PPIB: variants seen among roughly 807,000 people sequenced by gnomAD.
PPIB encodes peptidyl-prolyl cis-trans isomerase B.
A neutral mutation model predicts 20.1 loss-of-function variants in PPIB; 15 were observed. The observed-to-expected ratio is 0.75, with a 90% CI of 0.50 to 1.15. PPIB has a LOEUF of 1.15. PPIB is among the 50% of genes most tolerant of loss of function. The pLI is 0.00. For missense variants in PPIB, 278 were observed against 283.0 expected (o/e 0.98, Z 0.13); for synonymous variants, 129 against 111.0 (o/e 1.16, Z -1.02).
rs1567347353 is a variant in PPIB at position 64,162,121 on chromosome 15, C to T, written c.169G>A (p.Val57Ile). ...YFDLRIGDEDVGRVIFGLFGK... is the reference protein window; with the variant it reads ...YFDLRIGDEDIGRVIFGLFGK... ...AAGAGACCAAAGATCACCCGGCCTA[C>T]ATCTTCATCTCCAATTCGTAGGTCA... The change falls in exon 2 of 5, where the codon GTA (valine) becomes ATA (isoleucine). Residue 57 changes from valine (V) to isoleucine (I), a missense_variant. By Grantham distance (29) the Val-to-Ile change is conservative. Coordinates refer to ENST00000300026, the MANE Select transcript of PPIB (RefSeq NM_000942.5). 2 of 1,614,118 alleles carry T rather than the reference C, an allele frequency of 1.2e-6. No individual in the cohort carries two copies. The highest frequency in any genetic ancestry group is 1.7e-6 in the Non-Finnish European group (2 of 1,179,942).
rs2081563869 is a variant in PPIB at position 64,161,582 on chromosome 15, A to C, written c.249+459T>G. On this transcript the variant is annotated intron_variant, in intron 2 of 4. Transcript: ENST00000300026. This position sits in a 1 kb window ranked among gnomAD's most constrained non-coding sequence, Gnocchi z 4.2. ...CACTACTAAAAATACAAAATTAGCC[A>C]AGCGTGGTGGCGCATGCCTGTAATC... Among the ~76,000 whole-genome samples, 1 of 151,948 alleles carries C rather than the reference A, an allele frequency of 6.6e-6. No homozygotes were observed.
In PPIB at chr15:64,160,036, C is replaced by T; in HGVS notation, c.343+68G>A. The T allele has an allele frequency of 7.3e-7, 1 of 1,369,620 alleles. No homozygotes were observed. Among genetic ancestry groups the T allele is most frequent in the East Asian group, 2.3e-5 (1 of 43,734 alleles). 84.8% of individuals were successfully genotyped at this position (1,369,620 alleles called of 1,614,324 possible). A position where few individuals can be genotyped will look rare whatever the true frequency, so the allele number is the denominator to read the frequency against. ...GAAGAAAGAGGCCTGGTCTCCCCAGCAGAACCTGGCCCTCCCACTGTGGAG... is the reference window on the plus strand; with the variant it reads ...GAAGAAAGAGGCCTGGTCTCCCCAGTAGAACCTGGCCCTCCCACTGTGGAG... On this transcript the variant is annotated intron_variant, in intron 3 of 4. Transcript: ENST00000300026. This position sits in a 1 kb window ranked among gnomAD's most constrained non-coding sequence, Gnocchi z 4.8.
Position 64,161,281 on chromosome 15 carries a change from ATT to A in PPIB, c.249+758_249+759del, listed in dbSNP as rs1422376144. ...CCGGCCTTTTATTTTTAATTAATTTATTTTTTTTTTGAGACAGGGTCTCACTC... is the reference window on the plus strand; with the variant it reads ...CCGGCCTTTTATTTTTAATTAATTTATTTTTTTTGAGACAGGGTCTCACTC... On this transcript the variant is annotated intron_variant, in intron 2 of 4. Coordinates refer to ENST00000300026, the MANE Select transcript of PPIB (RefSeq NM_000942.5). This position sits in a 1 kb window ranked among gnomAD's most constrained non-coding sequence, Gnocchi z 4.2. Among the ~76,000 whole-genome samples the A allele has an allele frequency of 6.8e-6, 1 of 146,484 alleles. No individual in the cohort carries two copies.
rs2081529077 is a variant in PPIB at position 64,156,128 on chromosome 15, C to T, written c.546G>A (p.Val182=). 2 of 1,614,198 alleles carry T rather than the reference C, an allele frequency of 1.2e-6. No homozygotes were observed. Among genetic ancestry groups the T allele is most frequent in the Non-Finnish European group, 1.7e-6 (2 of 1,180,044 alleles). ...CCCGGCTGTCTGTCTTGGTGCTCTC[C>T]ACCTTCCGCACCACCTCCTGGAAAA... The part of the protein sequence containing the change: ...VLEGMEVVRK[V]ESTKTDSRDK... Residue 182 remains valine, a synonymous_variant, in exon 5 of 5, where the codon GTG becomes GTA. Coordinates refer to ENST00000300026, the MANE Select transcript of PPIB (RefSeq NM_000942.5). The surrounding 1 kb of genome is among the most constrained non-coding windows in gnomAD (Gnocchi z 6.4).
chr15:64,156,270 GA>G lies in PPIB; in HGVS notation c.529-126del. 7.9e-7 allele frequency: 1 copy of G among 1,268,484 alleles called. No homozygotes were observed. The highest frequency in any genetic ancestry group is 1.2e-5 in the South Asian group (1 of 80,090). 78.6% of individuals were successfully genotyped at this position (1,268,484 alleles called of 1,614,324 possible). A position where few individuals can be genotyped will look rare whatever the true frequency, so the allele number is the denominator to read the frequency against. ...AAGTGATCAACAGCACACAAAACTG[GA>G]GGCACCAAAATTCTAACAGACTCCT... On this transcript the variant is annotated intron_variant, in intron 4 of 4. Transcript: ENST00000300026. This position sits in a 1 kb window ranked among gnomAD's most constrained non-coding sequence, Gnocchi z 6.4.
rs1027315017 is a variant in PPIB, at chr15:64,159,061, G to A, written c.343+1043C>T. On this transcript the variant is annotated intron_variant, in intron 3 of 4. Coordinates refer to ENST00000300026, the MANE Select transcript of PPIB (RefSeq NM_000942.5). This position sits in a 1 kb window ranked among gnomAD's most constrained non-coding sequence, Gnocchi z 5.1. Reference sequence around the variant, plus strand: ...CAGACACTGGATCGAGCCCAACTGCGTCTGACTCCACAAATACAGTTCTTT... The same window carrying A: ...CAGACACTGGATCGAGCCCAACTGCATCTGACTCCACAAATACAGTTCTTT... Among the ~76,000 whole-genome samples, 6 of 152,188 alleles carry A rather than the reference G, an allele frequency of 3.9e-5. No homozygotes were observed. The highest frequency in any genetic ancestry group is 1.9e-4 in the East Asian group (1 of 5,186).
At position 64,160,615 on chromosome 15, in the gene PPIB, C is replaced by T. The variant is rs907488020; in HGVS notation, c.250-418G>A. ...TGAAGTCTCCCCAGGAAGCTCTGGA[C>T]CCCTTACTCTTTTTTATCTCATTTT... is the stretch of plus-strand genomic sequence containing the variant. On this transcript the variant is annotated intron_variant, in intron 2 of 4. Coordinates refer to ENST00000300026, the MANE Select transcript of PPIB (RefSeq NM_000942.5). The surrounding 1 kb of genome is among the most constrained non-coding windows in gnomAD (Gnocchi z 4.8). 1.3e-5 allele frequency among the ~76,000 whole-genome samples: 2 copies of T among 152,158 alleles called. No individual in the cohort carries two copies. The highest frequency in any genetic ancestry group is 1.5e-5 in the Non-Finnish European group (1 of 68,024).
In PPIB at chr15:64,155,829, A is replaced by AC; in HGVS notation, c.*193_*194insG. On this transcript the variant is annotated 3_prime_UTR_variant, in exon 5 of 5. Coordinates refer to ENST00000300026, the MANE Select transcript of PPIB (RefSeq NM_000942.5). ...CCCACACATTATATATTAAAAAAAA[A>AC]AAAACCCACATTTTTTTTTATTGGT... 1.3e-6 allele frequency: 1 copy of AC among 783,134 alleles called. No individual in the cohort carries two copies. The highest frequency in any genetic ancestry group is 2.0e-6 in the Non-Finnish European group (1 of 500,342). 48.5% of individuals were successfully genotyped at this position (783,134 alleles called of 1,614,324 possible). A position where few individuals can be genotyped will look rare whatever the true frequency, so the allele number is the denominator to read the frequency against.
At position 64,161,463 on chromosome 15, in the gene PPIB, C is replaced by T. The variant is rs1482777253; in HGVS notation, c.249+578G>A. Reference sequence around the variant, plus strand: ...TTTTTTGGCCGGGCATAGTGGCTCACACCTCTAATCCCAGCACTTTGGGAG... The same window carrying T: ...TTTTTTGGCCGGGCATAGTGGCTCATACCTCTAATCCCAGCACTTTGGGAG... On this transcript the variant is annotated intron_variant, in intron 2 of 4. Transcript: ENST00000300026. This position sits in a 1 kb window ranked among gnomAD's most constrained non-coding sequence, Gnocchi z 4.2. Among the ~76,000 whole-genome samples the T allele has an allele frequency of 1.3e-5, 2 of 151,818 alleles. No individual in the cohort carries two copies. The highest frequency in any genetic ancestry group is 2.9e-5 in the Non-Finnish European group (2 of 67,962).
chr15:64,162,834 C>T lies in PPIB; in HGVS notation c.135+18G>A, dbSNP rs1417062943. The T allele has an allele frequency of 6.2e-7, 1 of 1,607,748 alleles. No individual in the cohort carries two copies. Among genetic ancestry groups the T allele is most frequent in the Non-Finnish European group, 8.5e-7 (1 of 1,177,444 alleles). ...GGCCCGAGCTCCGGCACCGTAAATGCCGCGGACTCCACCGGACCTTGACGG... is the reference window on the plus strand; with the variant it reads ...GGCCCGAGCTCCGGCACCGTAAATGTCGCGGACTCCACCGGACCTTGACGG... On this transcript the variant is annotated intron_variant, in intron 1 of 4. Transcript: ENST00000300026.
Position 64,156,349 on chromosome 15 carries a change from C to T in PPIB, c.529-204G>A. ...ACGAGGGGGTACAGGAATTTTGTTC[C>T]TTTGAAGTAAGACCCAGGTTGGGCC... On this transcript the variant is annotated intron_variant, in intron 4 of 4. Coordinates refer to ENST00000300026, the MANE Select transcript of PPIB (RefSeq NM_000942.5). This position sits in a 1 kb window ranked among gnomAD's most constrained non-coding sequence, Gnocchi z 6.4. The T allele has an allele frequency of 1.3e-6, 1 of 747,352 alleles. No homozygotes were observed. Among genetic ancestry groups the T allele is most frequent in the Non-Finnish European group, 2.2e-6 (1 of 447,172 alleles). The allele number at this position is 747,352 out of a possible 1,614,324, so 46.3% of individuals were successfully genotyped here. A position where few individuals can be genotyped will look rare whatever the true frequency, so the allele number is the denominator to read the frequency against.
Position 64,162,123 on chromosome 15 carries a change from T to C in PPIB, c.167A>G (p.Asp56Gly). ...VYFDLRIGDE[D>G]VGRVIFGLFG... ...GAGACCAAAGATCACCCGGCCTACA[T>C]CTTCATCTCCAATTCGTAGGTCAAA... Residue 56 changes from aspartate (D) to glycine (G), a missense_variant, in exon 2 of 5, where the codon GAT (aspartate) becomes GGT (glycine). By Grantham distance (94) the Asp-to-Gly change is moderately conservative (BLOSUM62 -1). Transcript: ENST00000300026. 1.2e-6 allele frequency: 2 copies of C among 1,614,034 alleles called. No individual in the cohort carries two copies. The highest frequency in any genetic ancestry group is 8.5e-7 in the Non-Finnish European group (1 of 1,179,906).
At position 64,161,990 on chromosome 15, in the gene PPIB, A is replaced by G. The variant is rs1226128575; in HGVS notation, c.249+51T>C. 2.2e-6 allele frequency: 3 copies of G among 1,336,920 alleles called. No individual in the cohort carries two copies. Among genetic ancestry groups the G allele is most frequent in the Non-Finnish European group, 3.2e-6 (3 of 927,696 alleles). 82.8% of individuals were successfully genotyped at this position (1,336,920 alleles called of 1,614,324 possible). ...TGCAGGTCAGTTTGCTGCCATCCCC[A>G]GTGCCAATTTCACTTCATGTGAGTT... is the stretch of plus-strand genomic sequence containing the variant. On this transcript the variant is annotated intron_variant, in intron 2 of 4. Coordinates refer to ENST00000300026, the MANE Select transcript of PPIB (RefSeq NM_000942.5). This position sits in a 1 kb window ranked among gnomAD's most constrained non-coding sequence, Gnocchi z 4.2.
rs2081562426 is a variant in PPIB, at chr15:64,161,327, G to A, written c.249+714C>T. Among the ~76,000 whole-genome samples, 2 of 151,772 alleles carry A rather than the reference G, an allele frequency of 1.3e-5. No homozygotes were observed. Among genetic ancestry groups the A allele is most frequent in the Non-Finnish European group, 2.9e-5 (2 of 67,968 alleles). On this transcript the variant is annotated intron_variant, in intron 2 of 4. Coordinates refer to ENST00000300026, the MANE Select transcript of PPIB (RefSeq NM_000942.5). The surrounding 1 kb of genome is among the most constrained non-coding windows in gnomAD (Gnocchi z 4.2). ...CTCACTCTATTGCTCAGGCTGGAGT[G>A]CAGTGGCATGAACATGGCTCACTGC...
rs1596027942 is a variant in PPIB at position 64,156,666 on chromosome 15, G to A, written c.528+59C>T. 4 of 1,596,066 alleles carry A rather than the reference G, an allele frequency of 2.5e-6. No homozygotes were observed. The highest frequency in any genetic ancestry group is 4.5e-5 in the East Asian group (2 of 44,782). On this transcript the variant is annotated intron_variant, in intron 4 of 4. Coordinates refer to ENST00000300026, the MANE Select transcript of PPIB (RefSeq NM_000942.5). The surrounding 1 kb of genome is among the most constrained non-coding windows in gnomAD (Gnocchi z 6.4). ...GGACACATGGAGCTCCTGCCCTGGGGTCTGTGTTGAATCCCCGGTGAGGAT... is the reference window on the plus strand; with the variant it reads ...GGACACATGGAGCTCCTGCCCTGGGATCTGTGTTGAATCCCCGGTGAGGAT...
Position 64,156,406 on chromosome 15 carries a change from G to T in PPIB, c.529-261C>A. ...GAGGAGGAGGAAGAGGGTGACCAGG[G>T]CATGTGGCTTCTCAGGGACATTGCG... is the stretch of plus-strand genomic sequence containing the variant. On this transcript the variant is annotated intron_variant, in intron 4 of 4. Transcript: ENST00000300026. This position sits in a 1 kb window ranked among gnomAD's most constrained non-coding sequence, Gnocchi z 6.4. 1.6e-6 allele frequency: 1 copy of T among 625,594 alleles called. No homozygotes were observed. Among genetic ancestry groups the T allele is most frequent in the African/African-American group, 1.8e-5 (1 of 54,896 alleles). The allele number at this position is 625,594 out of a possible 1,614,324, so 38.8% of individuals were successfully genotyped here.
chr15:64,160,135 G>A lies in PPIB; in HGVS notation c.312C>T (p.Gly104=), dbSNP rs753222182. ...TGCCATCTCCCCTGGTGAAGTCTCCGCCCTGGATCATGAAGTCCTTGATTA... is the reference window on the plus strand; with the variant it reads ...TGCCATCTCCCCTGGTGAAGTCTCCACCCTGGATCATGAAGTCCTTGATTA... ...HRVIKDFMIQ[G]GDFTRGDGTG... is the part of the protein sequence containing the mutation. Residue 104 remains glycine, a synonymous_variant, in exon 3 of 5, where the codon GGC becomes GGT. Coordinates refer to ENST00000300026, the MANE Select transcript of PPIB (RefSeq NM_000942.5). This position sits in a 1 kb window ranked among gnomAD's most constrained non-coding sequence, Gnocchi z 4.8. 5.6e-6 allele frequency: 9 copies of A among 1,613,844 alleles called. No individual in the cohort carries two copies. Among genetic ancestry groups the A allele is most frequent in the Admixed American group, 5.0e-5 (3 of 59,996 alleles).
In PPIB at chr15:64,156,613, G is replaced by C; in HGVS notation, c.528+112C>G. The C allele has an allele frequency of 7.7e-7, 1 of 1,295,908 alleles. No homozygotes were observed. The highest frequency in any genetic ancestry group is 1.1e-6 in the Non-Finnish European group (1 of 891,076). The allele number at this position is 1,295,908 out of a possible 1,614,324, so 80.3% of individuals were successfully genotyped here. A position where few individuals can be genotyped will look rare whatever the true frequency, so the allele number is the denominator to read the frequency against. On this transcript the variant is annotated intron_variant, in intron 4 of 4. Coordinates refer to ENST00000300026, the MANE Select transcript of PPIB (RefSeq NM_000942.5). The surrounding 1 kb of genome is among the most constrained non-coding windows in gnomAD (Gnocchi z 6.4). ...TGGACAGGAGCACTGGGCTGCATCTGTGGGTTGGGTCCTTTTGGGAAAGGG... is the reference window on the plus strand; with the variant it reads ...TGGACAGGAGCACTGGGCTGCATCTCTGGGTTGGGTCCTTTTGGGAAAGGG...
chr15:64,157,007 C>A lies in PPIB; in HGVS notation c.344-98G>T, dbSNP rs2081538171. The A allele has an allele frequency of 7.8e-7, 1 of 1,280,320 alleles. No homozygotes were observed. 79.3% of individuals were successfully genotyped at this position (1,280,320 alleles called of 1,614,324 possible). ...GAGGGGGCTTAACCTGTCCTCTGTG[C>A]CAGGCTAGGCTGGAGTGGACTACAA... On this transcript the variant is annotated intron_variant, in intron 3 of 4. Coordinates refer to ENST00000300026, the MANE Select transcript of PPIB (RefSeq NM_000942.5). This position sits in a 1 kb window ranked among gnomAD's most constrained non-coding sequence, Gnocchi z 4.2.
Sources: allele counts gnomAD v4.1 joint callset (sites outside exome capture counted in the v4.1 genomes callset), GRCh38; gene constraint gnomAD v4.1.1; non-coding constraint Gnocchi (gnomAD v3.1); transcripts MANE v1.5; gene names NCBI Gene and HGNC (gene_info 2026-07-23, HGNC 2026-07-21).